The following CRIM1 variants were observed in gnomAD, a reference collection of about 807,000 sequenced individuals.
The protein encoded by CRIM1 is cysteine rich transmembrane BMP regulator 1, also known as cysteine-rich motor neuron 1 protein.
Under a neutral mutation model 116.4 loss-of-function variants are expected in CRIM1, and 32 were observed. That is an observed-to-expected ratio of 0.27 (90% CI 0.21 to 0.37). CRIM1 has a LOEUF of 0.37. CRIM1 is among the 10% of genes least tolerant of loss of function. The probability of loss-of-function intolerance (pLI) is 1.00; values close to 1 mark genes in which losing one functional copy is unlikely to be tolerated. For synonymous variants in CRIM1, 590 were observed against 509.2 expected, an observed-to-expected ratio of 1.16 and a Z score of -2.13; for missense variants, 1,331 against 1,354.8, an observed-to-expected ratio of 0.98 and a Z score of 0.28.
At chr2:36,427,867 CAG>C (rs1197008898) in intron 2 of CRIM1, among the ~76,000 whole-genome samples, 3 of 152,208 alleles carry the variant, frequency 2.0e-5, no homozygotes, top group Non-Finnish European at 4.4e-5. Context: ...CACTGTGTCT[CAG>C]GGGGCGAGGC....
Position 36,455,696 on chromosome 2 carries a change from G to T in CRIM1, c.870-8838G>T, listed in dbSNP as rs531740899. ...CAGGTGAATAAGTGAGTAGGATGTG[G>T]GGATTCTCAGTCTCACTGGAGATGG... On this transcript the variant is annotated intron_variant, in intron 4 of 16. Coordinates refer to ENST00000280527, the MANE Select transcript of CRIM1 (RefSeq NM_016441.3). Among the ~76,000 whole-genome samples, 7 of 152,278 alleles carry T rather than the reference G, an allele frequency of 4.6e-5. No individual in the cohort carries two copies. The South Asian group carries it at 1.5e-3, about 32-fold the overall frequency.
At chr2:36,508,874 T>G (rs1320451259) in intron 8 of CRIM1, among the ~76,000 whole-genome samples, 2 of 152,328 alleles carry the variant, frequency 1.3e-5, no homozygotes, top group African/African-American at 4.8e-5. Context: ...TGTAACTGAC[T>G]AGCAGAGGAC....
chr2:36,468,226 C>T (rs1426213133), intron 5 of CRIM1, among the ~76,000 whole-genome samples: 1 of 152,160 alleles, frequency 6.6e-6, no homozygotes. Context: ...TCCATGTGAT[C>T]CATATGCTTA....
intron 2 of CRIM1, among the ~76,000 whole-genome samples, chr2:36,403,786 A>C (rs776996714): frequency 6.6e-6 from 1 of 152,022 alleles, no homozygotes; most frequent in Admixed American, 6.6e-5. Flanking sequence ...ATACAAGGAG[A>C]GCAGCTTTGT....
chr2:36,452,880 G>T (rs928938237), intron 4 of CRIM1, among the ~76,000 whole-genome samples: 3 of 152,130 alleles, frequency 2.0e-5, no homozygotes, highest in Non-Finnish European at 4.4e-5. Context: ...AATTCCGTAA[G>T]CCTTTCAGTA....
At chr2:36,431,685 C>A (rs905000287) in intron 2 of CRIM1, among the ~76,000 whole-genome samples, 1 of 152,092 alleles carries the variant, frequency 6.6e-6, no homozygotes, top group African/African-American at 2.4e-5. Context: ...ATTCAGCAAG[C>A]GTTTGTCGGT....
chr2:36,543,279 CT>C (rs1370548642), intron 14 of CRIM1, among the ~76,000 whole-genome samples: 1 of 152,146 alleles, frequency 6.6e-6, no homozygotes, highest in Admixed American at 6.5e-5. Context: ...ATGGGGGAAG[CT>C]TAGCAAGTAC....
At chr2:36,501,392 C>A (rs916834530) in intron 8 of CRIM1, among the ~76,000 whole-genome samples, 5 of 152,174 alleles carry the variant, frequency 3.3e-5, no homozygotes, top group African/African-American at 1.2e-4. Context: ...ATCACACTAT[C>A]TACAGTGGCG....
At chr2:36,471,761 C>CACACACACACACACACACACA (rs72156127) in intron 5 of CRIM1, among the ~76,000 whole-genome samples, 5 of 128,664 alleles carry the variant, frequency 3.9e-5, no homozygotes, top group African/African-American at 1.1e-4. Flanking sequence ...ACACACACAC[C>CACACACACACACACACACACA]ATCTTACAAT....
chr2:36,484,372 A>G (rs1192456485), intron 7 of CRIM1, among the ~76,000 whole-genome samples: 1 of 152,140 alleles, frequency 6.6e-6, no homozygotes, highest in Non-Finnish European at 1.5e-5. Context: ...AATGCTGCCA[A>G]AGCTGATTCT....
In CRIM1 at chr2:36,355,875, A is replaced by T. The variant is rs1169562419; in HGVS notation, c.-418A>T. 6.7e-6 allele frequency: 1 copy of T among 149,970 alleles called. No homozygotes were observed. The highest frequency in any genetic ancestry group is 1.5e-5 in the Non-Finnish European group (1 of 67,556). The allele number at this position is 149,970 out of a possible 1,614,324, so 9.3% of individuals were successfully genotyped here. ...GCTCGGGAGGCGGGGACCGGCCCGGAGGCTGCGCCGCTGCGGGGCCGGCCG... is the reference window on the plus strand; with the variant it reads ...GCTCGGGAGGCGGGGACCGGCCCGGTGGCTGCGCCGCTGCGGGGCCGGCCG... On this transcript the variant is annotated 5_prime_UTR_variant, in exon 1 of 17. Coordinates refer to ENST00000280527, the MANE Select transcript of CRIM1 (RefSeq NM_016441.3).
chr2:36,544,892 T>G (rs1667210300), intron 15 of CRIM1, among the ~76,000 whole-genome samples: 1 of 152,180 alleles, frequency 6.6e-6, no homozygotes, highest in African/African-American at 2.4e-5. Context: ...GCACTGAGCA[T>G]TTGTACATTA....
intron 3 of CRIM1, among the ~76,000 whole-genome samples, 189 bp from the exon 4 acceptor site, chr2:36,442,426 T>A (rs566709631): frequency 4.5e-4 from 69 of 152,284 alleles, no homozygotes; most frequent in Non-Finnish European, 7.9e-4. Flanking sequence ...CCCACCTCTT[T>A]CCTTACACAG....
In CRIM1 at chr2:36,356,808, G is replaced by C. The variant is rs567060175; in HGVS notation, c.331+185G>C. On this transcript the variant is annotated intron_variant, in intron 1 of 16. Transcript: ENST00000280527. The surrounding 1 kb of genome is among the most constrained non-coding windows in gnomAD (Gnocchi z 4.3). ...GTTCCCTCTCCTTGTTCCCCCCGAC[G>C]CTTAGGCAGTCGCGGGCGAGGTTGG... 7.2e-5 allele frequency among the ~76,000 whole-genome samples: 11 copies of C among 152,340 alleles called. No individual in the cohort carries two copies. Among genetic ancestry groups the C allele is most frequent in the African/African-American group, 2.6e-4 (11 of 41,590 alleles).
intron 2 of CRIM1, among the ~76,000 whole-genome samples, chr2:36,411,481 T>A (rs765308500): frequency 3.0e-4 from 46 of 152,218 alleles, no homozygotes; most frequent in Non-Finnish European, 6.0e-4. Context: ...TGAAAAAAAT[T>A]ATGCATGTCA....
chr2:36,464,572 G>T lies in CRIM1; in HGVS notation c.908G>T (p.Cys303Phe). 6.2e-7 allele frequency: 1 copy of T among 1,614,124 alleles called. No individual in the cohort carries two copies. Among genetic ancestry groups the T allele is most frequent in the Non-Finnish European group, 8.5e-7 (1 of 1,180,006 alleles). ...TCTGGCTTATGTGGTTTCCCCGTGT[G>T]TGAGGTGGGATCCACTCCCCGCATA... ...CLSGLCGFPV[C>F]EVGSTPRIVS... Residue 303 changes from cysteine to phenylalanine, a missense_variant, in exon 5 of 17, where the codon TGT becomes TTT. This residue lies in a region of CRIM1 where 690 missense variants were observed against 676.0 expected (regional missense o/e 1.02). Coordinates refer to ENST00000280527, the MANE Select transcript of CRIM1 (RefSeq NM_016441.3).
At chr2:36,379,506 C>G (rs764167129) in intron 1 of CRIM1, among the ~76,000 whole-genome samples, 1 of 152,174 alleles carries the variant, frequency 6.6e-6, no homozygotes, top group Non-Finnish European at 1.5e-5. Context: ...AACAGTGCGG[C>G]CTTCCCAAAG....
In CRIM1 at chr2:36,496,040, G is replaced by A. The variant is rs576551627; in HGVS notation, c.1373-3179G>A. On this transcript the variant is annotated intron_variant, in intron 7 of 16. Transcript: ENST00000280527. The stretch of plus-strand genomic sequence containing the variant: ...TATAATGGATGACTTCAATTGAAAT[G>A]CCAGGAGACAACTAGTTGCCTGCAA... Among the ~76,000 whole-genome samples, 214 of 152,248 alleles carry A rather than the reference G, an allele frequency of 1.4e-3. 1 individual carries two copies. The highest frequency in any genetic ancestry group is 5.1e-3 in the African/African-American group (211 of 41,538).
At chr2:36,503,579 C>G (rs372450532) in intron 8 of CRIM1, among the ~76,000 whole-genome samples, 8 of 143,114 alleles carry the variant, frequency 5.6e-5, no homozygotes, top group African/African-American at 2.0e-4. Context: ...TCCAGTTCTT[C>G]CTGCCCTCTA....
Sources: gnomAD v4.1 joint callset for allele counts (sites outside exome capture counted in the v4.1 genomes callset) on GRCh38, gnomAD v4.1.1 for gene constraint, gnomAD v4.1.1 regional missense constraint, Gnocchi (gnomAD v3.1) non-coding constraint, MANE v1.5 for transcripts, NCBI Gene and HGNC (gene_info 2026-07-23, HGNC 2026-07-21) for gene names.